The following IFT46 variants were observed in gnomAD, a reference collection of about 807,000 sequenced individuals.
IFT46 encodes the protein intraflagellar transport protein 46 homolog.
Under a neutral mutation model 39.6 loss-of-function variants are expected in IFT46, and 19 were observed. The ratio of observed to expected loss-of-function variants is 0.48; its 90% confidence interval spans 0.33 to 0.70. IFT46 has a LOEUF of 0.70. Among genes scored for constraint, IFT46 ranks in the 30% least tolerant of loss-of-function variants. IFT46 has a pLI of 0.01. For missense variants in IFT46, 334 were observed against 364.8 expected, an observed-to-expected ratio of 0.92 and a Z score of 0.69; for synonymous variants, 117 against 134.8, an observed-to-expected ratio of 0.87 and a Z score of 0.91.
upstream of IFT46, among the ~76,000 whole-genome samples, chr11:118,575,440 T>C (rs1482216295): frequency 1.5e-5 from 2 of 134,410 alleles, no homozygotes; most frequent in Non-Finnish European, 1.6e-5. Context: ...GTGTGTGTTT[T>C]AATTCTCTGC....
At chr11:118,572,526 G>T (rs954535891) in intron 1 of IFT46, 2 of 1,611,200 alleles carry the variant, frequency 1.2e-6, no homozygotes, top group East Asian at 2.2e-5. Context: ...GAGTGCGGGC[G>T]CGCCCCACCA....
At chr11:118,570,326 CTGGGATTACAGGCG>C (rs1746868861), upstream of IFT46, among the ~76,000 whole-genome samples, 1 of 151,976 alleles carries the variant, frequency 6.6e-6, no homozygotes, top group South Asian at 2.1e-4. Context: ...TCCCAAAGTG[CTGGGATTACAGGCG>C]TGAGCCACCG....
upstream of IFT46, chr11:118,573,807 T>C (rs1365790939): frequency 4.0e-6 from 2 of 501,682 alleles, no homozygotes; most frequent in African/African-American, 4.0e-5. Context: ...ATCAAACAGG[T>C]TTGCCTCCTA....
At chr11:118,553,630 T>A (rs1252819933) in intron 7 of IFT46, among the ~76,000 whole-genome samples, 1 of 152,152 alleles carries the variant, frequency 6.6e-6, no homozygotes, top group Non-Finnish European at 1.5e-5. Flanking sequence ...AGAGTTTCCA[T>A]ATGGCCCAGC....
At position 118,552,224 on chromosome 11, in the gene IFT46, G is replaced by T. The variant is rs781894055; in HGVS notation, c.595C>A (p.His199Asn). The T allele has an allele frequency of 1.9e-6, 3 of 1,614,090 alleles. No homozygotes were observed. The highest frequency in any genetic ancestry group is 2.5e-6 in the Non-Finnish European group (3 of 1,179,996). The change falls in exon 8 of 12, where the codon CAC becomes AAC. Residue 199 changes from histidine (H) to asparagine (N), a missense_variant. Physicochemically the swap from His to Asn is moderately conservative, Grantham distance 68 (BLOSUM62 1). Coordinates refer to ENST00000264021, the MANE Select transcript of IFT46 (RefSeq NM_001168618.2). ...TGTGGTATTTCTTACCTGGTGTAGT[G>T]CACAGTCGCAGGGGGCTTAGAACGG... is the stretch of plus-strand genomic sequence containing the variant. The part of the protein sequence containing the change: ...LHRSKPPATV[H>N]YTRPMPDIDT...
intron 3 of IFT46, among the ~76,000 whole-genome samples, chr11:118,558,776 C>T (rs1393170780): frequency 2.0e-5 from 3 of 149,514 alleles, no homozygotes; most frequent in Non-Finnish European, 4.4e-5. Flanking sequence ...ATTAGCCAGG[C>T]GAGTTGGTGC....
intron 2 of IFT46, among the ~76,000 whole-genome samples, chr11:118,562,842 G>A (rs1214137924): frequency 6.6e-6 from 1 of 152,162 alleles, no homozygotes; most frequent in Non-Finnish European, 1.5e-5. Context: ...GAGGTGGGTG[G>A]ATCACAAGGT....
chr11:118,545,858 AAGG>A lies in IFT46; in HGVS notation c.673-8_673-6del. 1 of 1,614,096 alleles carries A rather than the reference AAGG, an allele frequency of 6.2e-7. No homozygotes were observed. On this transcript the variant is annotated splice_polypyrimidine_tract_variant and splice_region_variant and intron_variant, in intron 9 of 11. Coordinates refer to ENST00000264021, the MANE Select transcript of IFT46 (RefSeq NM_001168618.2). Reference sequence around the variant, plus strand: ...CTCTGCCGTGGGCAGGCTTACCTGGAAGGGGCATGGAAGGACCAAAGTCAAAAG... The same window carrying A: ...CTCTGCCGTGGGCAGGCTTACCTGGAGGCATGGAAGGACCAAAGTCAAAAG...
intron 2 of IFT46, chr11:118,560,897 G>A: frequency 4.8e-6 from 4 of 826,574 alleles, no homozygotes; most frequent in Non-Finnish European, 8.4e-6. Context: ...TGCCCGTATA[G>A]AGGGGGATAT....
intron 9 of IFT46, among the ~76,000 whole-genome samples, chr11:118,549,432 C>G (rs1176803771): frequency 6.6e-6 from 1 of 151,874 alleles, no homozygotes; most frequent in Non-Finnish European, 1.5e-5. Flanking sequence ...TTTTCTCAGA[C>G]TGCTACTGTC....
upstream of IFT46, among the ~76,000 whole-genome samples, chr11:118,569,326 C>T (rs1938291347): frequency 6.6e-6 from 1 of 151,470 alleles, no homozygotes; most frequent in Non-Finnish European, 1.5e-5. Flanking sequence ...GGCTCAGTGG[C>T]TCATTCCTGC....
chr11:118,559,386 CTG>C (rs1937952632), intron 3 of IFT46, among the ~76,000 whole-genome samples: 1 of 152,152 alleles, frequency 6.6e-6, no homozygotes. Flanking sequence ...AATGCCTAGA[CTG>C]ATAATTTCAA....
rs200129173 is a variant in IFT46 at position 118,555,042 on chromosome 11, G to A, written c.302C>T (p.Pro101Leu). The stretch of plus-strand genomic sequence containing the variant: ...AGCTGGGATAAAATCAGGAATGAAA[G>A]GCTTCAGTTTGTGGTCCAGGTCAAT... Reference protein sequence around the residue: ...QLIDLDHKLKPFIPDFIPAVG... With the variant: ...QLIDLDHKLKLFIPDFIPAVG... Residue 101 changes from proline to leucine, a missense_variant, in exon 6 of 12, where the codon CCT becomes CTT. Transcript: ENST00000264021. The A allele has an allele frequency of 1.2e-6, 2 of 1,614,026 alleles. No homozygotes were observed. The highest frequency in any genetic ancestry group is 2.2e-5 in the East Asian group (1 of 44,888).
chr11:118,569,503 A>T (rs1390022913), upstream of IFT46, among the ~76,000 whole-genome samples: 1 of 152,116 alleles, frequency 6.6e-6, no homozygotes, highest in African/African-American at 2.4e-5. Flanking sequence ...TATAAAATTT[A>T]AAAATATTTG....
chr11:118,567,380 G>C (rs1203231284), upstream of IFT46, among the ~76,000 whole-genome samples: 5 of 152,092 alleles, frequency 3.3e-5, no homozygotes, highest in African/African-American at 1.2e-4. Flanking sequence ...TTCAAGACCA[G>C]CCTGACCAAC....
chr11:118,559,777 T>C lies in IFT46; in HGVS notation c.45+8A>G. The C allele has an allele frequency of 4.3e-6, 7 of 1,610,032 alleles. No homozygotes were observed. The highest frequency in any genetic ancestry group is 6.0e-6 in the Non-Finnish European group (7 of 1,176,314). ...AAATTCTACAAGAAGCTGTGAGTTT[T>C]ACTGTACCTTGTTATTTTCCTCTTC... On this transcript the variant is annotated splice_region_variant and intron_variant, in intron 3 of 11. Transcript: ENST00000264021.
chr11:118,572,241 G>C (rs1938353148), intron 1 of IFT46: 2 of 422,556 alleles, frequency 4.7e-6, no homozygotes, highest in Non-Finnish European at 8.5e-6. Context: ...ACAGTGAAAG[G>C]GGAGAGATAC....
intron 9 of IFT46, among the ~76,000 whole-genome samples, chr11:118,549,385 C>T (rs978953577): frequency 6.6e-6 from 1 of 151,844 alleles, no homozygotes; most frequent in Non-Finnish European, 1.5e-5. Context: ...TTTGCTTGGA[C>T]AGTAATTTTT....
chr11:118,565,254 G>A (rs1361079991), intron 1 of IFT46, among the ~76,000 whole-genome samples, 193 bp from the exon 2 acceptor site: 1 of 151,988 alleles, frequency 6.6e-6, no homozygotes, highest in African/African-American at 2.4e-5. Context: ...TTCTGTTGCA[G>A]CCCTTATTTA....
Sources: gnomAD v4.1 joint callset for allele counts (sites outside exome capture counted in the v4.1 genomes callset) on GRCh38, gnomAD v4.1.1 for gene constraint, MANE v1.5 for transcripts, NCBI Gene and HGNC (gene_info 2026-07-23, HGNC 2026-07-21) for gene names.